SLC4A4: variants seen among roughly 807,000 people sequenced by gnomAD.
SLC4A4 encodes the protein electrogenic sodium bicarbonate cotransporter 1.
A neutral mutation model predicts 111.5 loss-of-function variants in SLC4A4; 27 were observed. The observed-to-expected ratio is 0.24, with a 90% CI of 0.18 to 0.33. The LOEUF is 0.33. Among genes scored for constraint, SLC4A4 ranks in the 10% least tolerant of loss-of-function variants. The probability of loss-of-function intolerance (pLI) is 1.00; values close to 1 mark genes in which losing one functional copy is unlikely to be tolerated. For missense variants in SLC4A4, 909 were observed against 1,315.5 expected, an observed-to-expected ratio of 0.69 and a Z score of 4.78; for synonymous variants, 443 against 463.4, an observed-to-expected ratio of 0.96 and a Z score of 0.57.
At chr4:71,544,382 G>A (rs1327488729) in intron 18 of SLC4A4, among the ~76,000 whole-genome samples, 3 of 151,882 alleles carry the variant, frequency 2.0e-5, no homozygotes, top group Non-Finnish European at 4.4e-5. Context: ...ACACATATGA[G>A]GCATTGCAGG....
intron 1 of SLC4A4, among the ~76,000 whole-genome samples, chr4:71,224,318 C>A (rs2149026141): frequency 6.6e-6 from 1 of 152,266 alleles, no homozygotes; most frequent in South Asian, 2.1e-4. Flanking sequence ...CCTCAACTGC[C>A]AGAGCTCAAG....
At chr4:71,356,895 GAA>G in intron 5 of SLC4A4, 111 bp from the exon 6 acceptor site, 1 of 973,562 alleles carries the variant, frequency 1.0e-6, no homozygotes. Context: ...TAGAAATTTA[GAA>G]AACAATATCT....
At chr4:71,085,380 C>A (rs1402405972) in intron 1 of SLC4A4, among the ~76,000 whole-genome samples, 9 of 151,932 alleles carry the variant, frequency 5.9e-5, no homozygotes, top group African/African-American at 1.9e-4. Flanking sequence ...ATGGTAGTTT[C>A]TTTTGCTGTG....
At chr4:71,334,752 C>G (rs562472194) in intron 3 of SLC4A4, among the ~76,000 whole-genome samples, 2 of 152,302 alleles carry the variant, frequency 1.3e-5, no homozygotes, top group East Asian at 3.9e-4. Context: ...CATCCTTCTT[C>G]CATTCCATTT....
At chr4:71,442,439 G>A (rs1724817696) in intron 8 of SLC4A4, among the ~76,000 whole-genome samples, 1 of 152,118 alleles carries the variant, frequency 6.6e-6, no homozygotes. Flanking sequence ...CATTTTTCCA[G>A]GAAATAGCTT....
At chr4:71,210,177 G>A (rs1718046164) in intron 1 of SLC4A4, among the ~76,000 whole-genome samples, 1 of 152,152 alleles carries the variant, frequency 6.6e-6, no homozygotes, top group African/African-American at 2.4e-5. Flanking sequence ...CTGCATGTTG[G>A]CCTGAGCACT....
chr4:71,397,802 A>C, intron 7 of SLC4A4, 149 bp downstream of exon 7: 1 of 733,324 alleles, frequency 1.4e-6, no homozygotes, highest in Non-Finnish European at 2.5e-6. Flanking sequence ...AAGGAGAAGC[A>C]GTGTGTGAAG....
At chr4:71,554,418 AATAG>A (rs753472666) in intron 20 of SLC4A4, among the ~76,000 whole-genome samples, 40 of 151,896 alleles carry the variant, frequency 2.6e-4, no homozygotes, top group Admixed American at 6.6e-5. Context: ...AAGGTCTAGG[AATAG>A]ATACAGTTTA....
rs35652102 is a variant in SLC4A4, at chr4:71,509,408, AT to A, written c.2166+11727del. Among the ~76,000 whole-genome samples the A allele has an allele frequency of 5.5e-4, 81 of 148,174 alleles. 1 individual carries two copies. The highest frequency in any genetic ancestry group is 9.9e-4 in the East Asian group (5 of 5,076). ...CATGGAGTATCTTTTGTAGGGAGGG[AT>A]TTTTTTTTTTCTGTAAATGGGTCTT... On this transcript the variant is annotated intron_variant, in intron 16 of 25. Transcript: ENST00000264485.
At chr4:71,293,438 C>T (rs1724537657) in intron 3 of SLC4A4, among the ~76,000 whole-genome samples, 1 of 151,698 alleles carries the variant, frequency 6.6e-6, no homozygotes. Flanking sequence ...TGATGCACAC[C>T]TGTAGTCCTA....
intron 15 of SLC4A4, among the ~76,000 whole-genome samples, chr4:71,492,681 T>C (rs951636280): frequency 5.3e-5 from 8 of 151,998 alleles, no homozygotes; most frequent in Non-Finnish European, 8.8e-5. Flanking sequence ...ACTTTACTTC[T>C]TTTTTGCTGC....
intron 13 of SLC4A4, 39 bp from the exon 14 acceptor site, chr4:71,472,660 A>C: frequency 6.3e-7 from 1 of 1,596,732 alleles, no homozygotes; most frequent in Non-Finnish European, 8.6e-7. Context: ...TTGTGTTCCA[A>C]GGAGGAGGAA....
At chr4:71,145,635 G>A (rs6447023) in intron 2 of SLC4A4, among the ~76,000 whole-genome samples, 3 of 151,998 alleles carry the variant, frequency 2.0e-5, no homozygotes, top group Non-Finnish European at 4.4e-5. Context: ...GCCTGTTATT[G>A]GTGTATTCAG....
intron 1 of SLC4A4, among the ~76,000 whole-genome samples, chr4:71,067,130 A>G (rs1348254988): frequency 1.3e-4 from 1 of 7,972 alleles, no homozygotes; most frequent in Non-Finnish European, 2.4e-4. Context: ...ACATGCAGAG[A>G]AAAAAAAAAT....
At chr4:71,535,861 A>AAAAC (rs5859268) in intron 18 of SLC4A4, among the ~76,000 whole-genome samples, 146,742 of 151,746 alleles carry the variant, frequency 0.97, 71,173 homozygotes, top group Middle Eastern at 1. Flanking sequence ...ACAAACAAAC[A>AAAAC]AAACAAACAA....
chr4:71,420,238 G>A (rs1279348886), intron 7 of SLC4A4, among the ~76,000 whole-genome samples: 2 of 152,208 alleles, frequency 1.3e-5, no homozygotes, highest in African/African-American at 2.4e-5. Flanking sequence ...GGGTATCAGT[G>A]ATGGAAGATG....
rs1403786219 is a variant in SLC4A4, at chr4:71,242,775, T to G, written c.73+6126T>G. Among the ~76,000 whole-genome samples, 4 of 151,954 alleles carry G rather than the reference T, an allele frequency of 2.6e-5. No individual in the cohort carries two copies. The East Asian group carries it at 7.7e-4, about 29-fold the overall frequency. ...TTCTTATAATTTTATATAATTTTCT[T>G]TGGTTATTATAATCTTTTCTACAAA... On this transcript the variant is annotated intron_variant, in intron 2 of 25. Transcript: ENST00000264485.
chr4:71,568,001 C>T lies in SLC4A4; in HGVS notation c.*250C>T, dbSNP rs926104517. 1 of 680,398 alleles carries T rather than the reference C, an allele frequency of 1.5e-6. No individual in the cohort carries two copies. The highest frequency in any genetic ancestry group is 1.7e-5 in the South Asian group (1 of 58,260). The allele number at this position is 680,398 out of a possible 1,614,324, so 42.1% of individuals were successfully genotyped here. ...TTTCGTCTCAGTTTTTGGTCACAGGCCAAATAATACAGCGCTCTCTCTGCT... is the reference window on the plus strand; with the variant it reads ...TTTCGTCTCAGTTTTTGGTCACAGGTCAAATAATACAGCGCTCTCTCTGCT... On this transcript the variant is annotated 3_prime_UTR_variant, in exon 26 of 26. Transcript: ENST00000264485.
chr4:71,229,193 A>G (rs1038859459), intron 1 of SLC4A4, among the ~76,000 whole-genome samples: 2 of 152,228 alleles, frequency 1.3e-5, no homozygotes, highest in African/African-American at 4.8e-5. Flanking sequence ...CTCACTCAGC[A>G]TAACCCCCTG....
Sources: gnomAD v4.1 joint callset for allele counts (sites outside exome capture counted in the v4.1 genomes callset) on GRCh38, gnomAD v4.1.1 for gene constraint, MANE v1.5 for transcripts, NCBI Gene and HGNC (gene_info 2026-07-23, HGNC 2026-07-21) for gene names.